The following ADAMTS5 variants were observed in gnomAD, a reference collection of about 807,000 sequenced individuals.
ADAMTS5 encodes A disintegrin and metalloproteinase with thrombospondin motifs 5.
A neutral mutation model predicts 81.4 loss-of-function variants in ADAMTS5; 54 were observed. That is an observed-to-expected ratio of 0.66 (90% CI 0.53 to 0.83). The LOEUF (loss-of-function observed/expected upper bound fraction) is 0.83, where lower values mean the gene tolerates loss of function less well. ADAMTS5 is among the 40% of genes least tolerant of loss of function. The pLI, the probability that ADAMTS5 is intolerant of heterozygous loss-of-function variation, is 0.00. For missense variants in ADAMTS5, 1,194 were observed against 1,229.9 expected (o/e 0.97, Z 0.44); for synonymous variants, 532 against 508.8 (o/e 1.05, Z -0.61).
At chr21:26,943,578 A>G (rs762964099) in intron 2 of ADAMTS5, 31 bp from the exon 3 acceptor site, 4 of 1,587,130 alleles carry the variant, frequency 2.5e-6, no homozygotes, top group Non-Finnish European at 3.4e-6. Context: ...AGTACAAATA[A>G]TCCGTGATTG....
Position 26,966,174 on chromosome 21 carries a change from A to T in ADAMTS5, c.218T>A (p.Leu73Gln). The T allele has an allele frequency of 1.2e-6, 2 of 1,607,084 alleles. No homozygotes were observed. The highest frequency in any genetic ancestry group is 1.7e-6 in the Non-Finnish European group (2 of 1,176,886). ...GTAGAGTTGGTCGATGTTCTGCACC[A>T]GCCCCTTGCTCCTGCGCCGCTGCGC... ...PLAQRRRSKGLVQNIDQLYSG... is the reference protein window; with the variant it reads ...PLAQRRRSKGQVQNIDQLYSG... The change falls in exon 1 of 8, where the codon CTG becomes CAG. Residue 73 changes from leucine to glutamine, a missense_variant. Around this residue, in one of 2 missense-constraint regions of ADAMTS5, gnomAD observed 498 missense variants for 412.3 expected, o/e 1.21. Coordinates refer to ENST00000284987, the MANE Select transcript of ADAMTS5 (RefSeq NM_007038.5).
rs1403741410 is a variant in ADAMTS5, at chr21:26,966,311, G to C, written c.81C>G (p.Ala27=). ...TCGGAGGCTGCCCGGCTTTATCCTG[G>C]GCAGGTGTCGCGGCGGGGCCGACCG... ...LAAVGPAATP[A]QDKAGQPPTA... is the part of the protein sequence containing the mutation. The change falls in exon 1 of 8, where the codon GCC becomes GCG. Residue 27 remains alanine, a synonymous_variant. Coordinates refer to ENST00000284987, the MANE Select transcript of ADAMTS5 (RefSeq NM_007038.5). 20 of 1,522,498 alleles carry C rather than the reference G, an allele frequency of 1.3e-5. No individual in the cohort carries two copies. The highest frequency in any genetic ancestry group is 1.7e-5 in the Non-Finnish European group (20 of 1,142,918). 94.3% of individuals were successfully genotyped at this position (1,522,498 alleles called of 1,614,324 possible).
chr21:26,955,268 T>C (rs1009022734), intron 1 of ADAMTS5, among the ~76,000 whole-genome samples: 1 of 152,196 alleles, frequency 6.6e-6, no homozygotes, highest in African/African-American at 2.4e-5. Flanking sequence ...TTGTTTTCTA[T>C]TACAGGGGCA....
In ADAMTS5 at chr21:26,965,891, T is replaced by G. The variant is rs374685214; in HGVS notation, c.501A>C (p.Pro167=). ...AVKHARYTLK[P]LLRGPWAEEE... Reference sequence around the variant, plus strand: ...CCTCCGCCCAGGGTCCGCGCAGCAGTGGCTTTAGGGTGTAGCGCGCGTGCT... The same window carrying G: ...CCTCCGCCCAGGGTCCGCGCAGCAGGGGCTTTAGGGTGTAGCGCGCGTGCT... Residue 167 remains proline, a synonymous_variant, in exon 1 of 8, where the codon CCA becomes CCC. Coordinates refer to ENST00000284987, the MANE Select transcript of ADAMTS5 (RefSeq NM_007038.5). 4 of 1,613,746 alleles carry G rather than the reference T, an allele frequency of 2.5e-6. No individual in the cohort carries two copies. Among genetic ancestry groups the G allele is most frequent in the Non-Finnish European group, 2.5e-6 (3 of 1,179,926 alleles).
intron 2 of ADAMTS5, among the ~76,000 whole-genome samples, chr21:26,952,612 A>C (rs1387499924): frequency 6.6e-6 from 1 of 152,198 alleles, no homozygotes; most frequent in African/African-American, 2.4e-5. Flanking sequence ...AAAACCAATC[A>C]CTAGAAAGGA....
In ADAMTS5 at chr21:26,932,005, T is replaced by G; in HGVS notation, c.2048A>C (p.Lys683Thr). 1 of 1,611,410 alleles carries G rather than the reference T, an allele frequency of 6.2e-7. No individual in the cohort carries two copies. The highest frequency in any genetic ancestry group is 8.5e-7 in the Non-Finnish European group (1 of 1,178,658). ...TCTGGACAGTTGGTGTGTAGTTACC[T>G]TTGGAGAAAATACCACATAGTAGCC... Reference protein sequence around the residue: ...GTGYYVVFSPKVTDGTECRLY... With the variant: ...GTGYYVVFSPTVTDGTECRLY... Residue 683 changes from lysine (K) to threonine (T), a missense_variant and splice_region_variant, in exon 6 of 8, where the codon AAG (lysine) becomes ACG (threonine). Coordinates refer to ENST00000284987, the MANE Select transcript of ADAMTS5 (RefSeq NM_007038.5).
chr21:26,942,112 T>C (rs1987125508), intron 3 of ADAMTS5, among the ~76,000 whole-genome samples: 1 of 152,126 alleles, frequency 6.6e-6, no homozygotes, highest in Non-Finnish European at 1.5e-5. Context: ...AGCAAATATA[T>C]AGTAACAGGC....
At chr21:26,949,921 C>G (rs1389206286) in intron 2 of ADAMTS5, among the ~76,000 whole-genome samples, 1 of 152,180 alleles carries the variant, frequency 6.6e-6, no homozygotes, top group African/African-American at 2.4e-5. Flanking sequence ...GTTTCAAGAA[C>G]CTCTGCAGCT....
rs1986661339 is a variant in ADAMTS5, at chr21:26,920,033, AAT to A, written c.*4018_*4019del. On this transcript the variant is annotated 3_prime_UTR_variant, in exon 8 of 8. Coordinates refer to ENST00000284987, the MANE Select transcript of ADAMTS5 (RefSeq NM_007038.5). Reference sequence around the variant, plus strand: ...CATCTTTCATTATAAAGAGATTAGTAATATTCACCAATCATGCCAATGAGATT... The same window carrying A: ...CATCTTTCATTATAAAGAGATTAGTAATTCACCAATCATGCCAATGAGATT... 1.3e-5 allele frequency: 2 copies of A among 152,134 alleles called. No individual in the cohort carries two copies. The highest frequency in any genetic ancestry group is 4.8e-5 in the African/African-American group (2 of 41,444). The allele number at this position is 152,134 out of a possible 1,614,324, so 9.4% of individuals were successfully genotyped here.
chr21:26,957,479 A>G (rs1312216699), intron 1 of ADAMTS5, among the ~76,000 whole-genome samples: 1 of 147,856 alleles, frequency 6.8e-6, no homozygotes, highest in Non-Finnish European at 1.5e-5. Flanking sequence ...ATAGATAGAT[A>G]TAATCTAGAC....
chr21:26,931,614 ATTC>A (rs1252326035), intron 6 of ADAMTS5, among the ~76,000 whole-genome samples: 1 of 152,186 alleles, frequency 6.6e-6, no homozygotes, highest in Non-Finnish European at 1.5e-5. Context: ...CATCAAAGGA[ATTC>A]TTAAGTAAAT....
At chr21:26,942,376 A>G (rs111438215) in intron 3 of ADAMTS5, among the ~76,000 whole-genome samples, 2 of 152,212 alleles carry the variant, frequency 1.3e-5, no homozygotes, top group African/African-American at 4.8e-5. Context: ...TTTGAACCGT[A>G]TATCATGAGG....
intron 1 of ADAMTS5, among the ~76,000 whole-genome samples, chr21:26,956,065 C>T (rs936672871): frequency 6.6e-6 from 1 of 152,122 alleles, no homozygotes; most frequent in East Asian, 1.9e-4. Flanking sequence ...CATTATAGTG[C>T]TCCCACATCT....
Position 26,922,099 on chromosome 21 carries a change from C to T in ADAMTS5, c.*1954G>A, listed in dbSNP as rs2123228643. 6.6e-6 allele frequency: 1 copy of T among 152,008 alleles called. No individual in the cohort carries two copies. Among genetic ancestry groups the T allele is most frequent in the East Asian group, 1.9e-4 (1 of 5,172 alleles). 9.4% of individuals were successfully genotyped at this position (152,008 alleles called of 1,614,324 possible). Reference sequence around the variant, plus strand: ...CCTATTTAACTAGGTTTGCTTTCTGCCCTTGGCATTGGGTGATCTCCATCA... The same window carrying T: ...CCTATTTAACTAGGTTTGCTTTCTGTCCTTGGCATTGGGTGATCTCCATCA... On this transcript the variant is annotated 3_prime_UTR_variant, in exon 8 of 8. Transcript: ENST00000284987.
Position 26,934,635 on chromosome 21 carries a change from A to G in ADAMTS5, c.1520T>C (p.Val507Ala). ...AGCACAGACATCCATGCCGGGACAC[A>G]CGGAGTACTCAGGCCCGAATGTCAG... ...CNLTFGPEYS[V>A]CPGMDVCARL... The change falls in exon 4 of 8, where the codon GTG becomes GCG. Residue 507 changes from valine to alanine, a missense_variant. By Grantham distance (64) the Val-to-Ala change is moderately conservative (BLOSUM62 0). Transcript: ENST00000284987. 2 of 1,614,124 alleles carry G rather than the reference A, an allele frequency of 1.2e-6. No individual in the cohort carries two copies. Among genetic ancestry groups the G allele is most frequent in the Non-Finnish European group, 1.7e-6 (2 of 1,180,022 alleles).
chr21:26,932,555 G>A (rs229045), intron 5 of ADAMTS5, among the ~76,000 whole-genome samples: 46,709 of 151,844 alleles, frequency 0.31, 7,848 homozygotes, highest in South Asian at 0.46. Flanking sequence ...AGAAAAAATA[G>A]CCAAGTGTGG....
chr21:26,961,033 A>G (rs1987520480), intron 1 of ADAMTS5, among the ~76,000 whole-genome samples: 1 of 152,188 alleles, frequency 6.6e-6, no homozygotes, highest in Non-Finnish European at 1.5e-5. Flanking sequence ...GATTCTTAAG[A>G]AAGGGGCTAC....
At chr21:26,935,726 C>T (rs191787245) in intron 3 of ADAMTS5, among the ~76,000 whole-genome samples, 1 of 152,242 alleles carries the variant, frequency 6.6e-6, no homozygotes, top group Admixed American at 6.5e-5. Flanking sequence ...TCCTCTTCCT[C>T]TCCTTCCCCT....
chr21:26,933,121 A>T (rs962541738), intron 4 of ADAMTS5, 77 bp from the exon 5 acceptor site: 19 of 1,425,200 alleles, frequency 1.3e-5, no homozygotes, highest in Non-Finnish European at 1.8e-5. Flanking sequence ...AATCACCTGC[A>T]TTTAATGACA....
Sources: gnomAD v4.1 joint callset for allele counts (sites outside exome capture counted in the v4.1 genomes callset) on GRCh38, gnomAD v4.1.1 for gene constraint, gnomAD v4.1.1 regional missense constraint, MANE v1.5 for transcripts, NCBI Gene and HGNC (gene_info 2026-07-23, HGNC 2026-07-21) for gene names.